Variants in BMP6 observed in about 807,000 individuals in gnomAD.
BMP6 encodes VG-1-R.
BMP6 carries 17 observed loss-of-function variants against 54.1 expected under a neutral mutation model. The ratio of observed to expected loss-of-function variants is 0.31; its 90% confidence interval spans 0.22 to 0.47. The LOEUF (loss-of-function observed/expected upper bound fraction) is 0.47, where lower values mean the gene tolerates loss of function less well. Among genes scored for constraint, BMP6 ranks in the 20% least tolerant of loss-of-function variants. The pLI is 1.00. For synonymous variants in BMP6, 328 were observed against 291.2 expected, an observed-to-expected ratio of 1.13 and a Z score of -1.28; for missense variants, 720 against 690.4, an observed-to-expected ratio of 1.04 and a Z score of -0.48.
chr6:7,779,427 C>T (rs548031478), intron 1 of BMP6, among the ~76,000 whole-genome samples: 4 of 152,254 alleles, frequency 2.6e-5, no homozygotes, highest in African/African-American at 9.6e-5. Flanking sequence ...CAACCTCCAC[C>T]TCCCAGGTTC....
intron 4 of BMP6, among the ~76,000 whole-genome samples, chr6:7,875,307 A>G (rs924655955): frequency 2.0e-5 from 3 of 152,212 alleles, no homozygotes; most frequent in Non-Finnish European, 2.9e-5. Context: ...TGGTGAGGGC[A>G]GGTCTATTTT....
chr6:7,874,937 A>G lies in BMP6; in HGVS notation c.1205-4137A>G, dbSNP rs1174302685. On this transcript the variant is annotated intron_variant, in intron 4 of 6. Coordinates refer to ENST00000283147, the MANE Select transcript of BMP6 (RefSeq NM_001718.6). ...CAATAGGATATATGGAGATATATAT[A>G]TATATAGGAGGAGATTTATTATGGG... 3.3e-5 allele frequency among the ~76,000 whole-genome samples: 5 copies of G among 152,134 alleles called. No individual in the cohort carries two copies. The East Asian group carries it at 9.6e-4, about 29-fold the overall frequency.
chr6:7,770,431 C>G (rs960079384), intron 1 of BMP6, among the ~76,000 whole-genome samples: 1 of 152,060 alleles, frequency 6.6e-6, no homozygotes, highest in Non-Finnish European at 1.5e-5. Flanking sequence ...TTGTGACCTA[C>G]CCGGTAAAGA....
At chr6:7,792,162 G>A (rs938065057) in intron 1 of BMP6, among the ~76,000 whole-genome samples, 6 of 152,146 alleles carry the variant, frequency 3.9e-5, no homozygotes, top group African/African-American at 1.4e-4. Flanking sequence ...CCAAAGTGTC[G>A]AGGTGGAATC....
intron 1 of BMP6, among the ~76,000 whole-genome samples, chr6:7,792,863 G>A (rs1221950495): frequency 1.3e-5 from 2 of 152,218 alleles, no homozygotes; most frequent in Non-Finnish European, 2.9e-5. Context: ...GAACCCCTTT[G>A]CAGCTGAGTG....
intron 1 of BMP6, among the ~76,000 whole-genome samples, chr6:7,776,374 A>G (rs1757861119): frequency 6.6e-6 from 1 of 152,268 alleles, no homozygotes; most frequent in South Asian, 2.1e-4. Context: ...AGATGAATCA[A>G]CAGTAACATG....
At chr6:7,827,973 A>C (rs532017511) in intron 1 of BMP6, among the ~76,000 whole-genome samples, 1 of 152,316 alleles carries the variant, frequency 6.6e-6, no homozygotes, top group African/African-American at 2.4e-5. Context: ...AAGTTATGTG[A>C]TTTATATTTT....
chr6:7,848,343 T>C (rs1477140911), intron 2 of BMP6, among the ~76,000 whole-genome samples: 1 of 152,166 alleles, frequency 6.6e-6, no homozygotes, highest in Non-Finnish European at 1.5e-5. Flanking sequence ...AACATCACTA[T>C]TGTGAAAGCT....
chr6:7,840,390 G>A (rs184820712), intron 1 of BMP6, among the ~76,000 whole-genome samples: 67 of 152,208 alleles, frequency 4.4e-4, no homozygotes, highest in African/African-American at 1.3e-3. Flanking sequence ...TTGGGTGATG[G>A]TTTCCTTGGT....
chr6:7,814,651 T>TG (rs1404733932), intron 1 of BMP6, among the ~76,000 whole-genome samples: 3 of 152,206 alleles, frequency 2.0e-5, no homozygotes, highest in African/African-American at 7.2e-5. Flanking sequence ...CATGTAATGA[T>TG]GTGAGGGTCA....
intron 1 of BMP6, among the ~76,000 whole-genome samples, chr6:7,844,519 T>G (rs752304031): frequency 6.6e-6 from 1 of 152,164 alleles, no homozygotes; most frequent in South Asian, 2.1e-4. Flanking sequence ...GTTCTACCAG[T>G]AGGAGGAAGG....
chr6:7,808,931 A>AT, intron 1 of BMP6, among the ~76,000 whole-genome samples: 1 of 151,272 alleles, frequency 6.6e-6, no homozygotes, highest in East Asian at 1.9e-4. Flanking sequence ...AAAAAAAAAA[A>AT]AAAAAAATTG....
At chr6:7,818,161 C>T (rs182840376) in intron 1 of BMP6, among the ~76,000 whole-genome samples, 131 of 152,218 alleles carry the variant, frequency 8.6e-4, no homozygotes, top group African/African-American at 2.9e-3. Context: ...CAAATACATA[C>T]GAATTAGAGC....
chr6:7,878,461 C>G lies in BMP6; in HGVS notation c.1205-613C>G, dbSNP rs180825188. Among the ~76,000 whole-genome samples the G allele has an allele frequency of 3.3e-5, 5 of 152,228 alleles. No individual in the cohort carries two copies. The East Asian group carries it at 9.7e-4, about 30-fold the overall frequency. ...ACTTCAGCAGAGTCTCCTGAGGAAC[C>G]CCTGGCTTAGTGTTATTGCATCAGC... On this transcript the variant is annotated intron_variant, in intron 4 of 6. Coordinates refer to ENST00000283147, the MANE Select transcript of BMP6 (RefSeq NM_001718.6).
intron 1 of BMP6, among the ~76,000 whole-genome samples, chr6:7,792,408 A>G (rs529707775): frequency 2.2e-4 from 33 of 152,328 alleles, no homozygotes; most frequent in Non-Finnish European, 4.6e-4. Flanking sequence ...CTCTGGGTGG[A>G]TATTCCCACA....
chr6:7,850,996 C>A (rs898687558), intron 2 of BMP6, among the ~76,000 whole-genome samples: 1 of 152,176 alleles, frequency 6.6e-6, no homozygotes, highest in African/African-American at 2.4e-5. Flanking sequence ...TCTCTTCTTG[C>A]ACCAATACTC....
intron 1 of BMP6, among the ~76,000 whole-genome samples, chr6:7,767,124 C>A (rs909752228): frequency 1.3e-5 from 2 of 151,512 alleles, no homozygotes; most frequent in African/African-American, 4.9e-5. Context: ...GTAGCTGGGA[C>A]TACAGGTGCC....
intron 2 of BMP6, among the ~76,000 whole-genome samples, chr6:7,846,028 CA>C (rs1014608517): frequency 1.5e-4 from 23 of 152,142 alleles, no homozygotes; most frequent in Admixed American, 6.5e-5. Context: ...ACACAGAAGC[CA>C]ATGACCTCGA....
intron 1 of BMP6, among the ~76,000 whole-genome samples, chr6:7,817,572 C>A (rs1240265791): frequency 3.0e-5 from 2 of 65,648 alleles, no homozygotes; most frequent in African/African-American, 1.3e-4. Context: ...GGGGGCCTGT[C>A]GTGGCGTGGG....
Sources: gnomAD v4.1 joint callset for allele counts (sites outside exome capture counted in the v4.1 genomes callset) on GRCh38, gnomAD v4.1.1 for gene constraint, MANE v1.5 for transcripts, NCBI Gene and HGNC (gene_info 2026-07-23, HGNC 2026-07-21) for gene names.